Variants in CCDC169 observed in about 807,000 individuals in gnomAD.
CCDC169 encodes coiled-coil domain-containing protein 169.
CCDC169 carries 30 observed loss-of-function variants against 36.0 expected under a neutral mutation model. That is an observed-to-expected ratio of 0.83 (90% CI 0.62 to 1.13). The LOEUF is 1.13. CCDC169 is among the 50% of genes most tolerant of loss of function. The probability of loss-of-function intolerance (pLI) is 0.00; values close to 1 mark genes in which losing one functional copy is unlikely to be tolerated. For synonymous variants in CCDC169, 85 were observed against 81.5 expected, an observed-to-expected ratio of 1.04 and a Z score of -0.23; for missense variants, 245 against 245.9, an observed-to-expected ratio of 1.00 and a Z score of 0.03.
intron 7 of CCDC169, 151 bp downstream of exon 7, chr13:36,248,455 A>C (rs1872752261): frequency 1.6e-6 from 1 of 631,100 alleles, no homozygotes; most frequent in Admixed American, 3.2e-5. Flanking sequence ...ACAGATCACA[A>C]CTTCTTTAAG....
At chr13:36,264,774 T>C (rs561641656) in intron 4 of CCDC169, among the ~76,000 whole-genome samples, 2 of 152,326 alleles carry the variant, frequency 1.3e-5, no homozygotes, top group African/African-American at 2.4e-5. Flanking sequence ...AAACTAGCTA[T>C]GAAGCACCTC....
At chr13:36,237,322 G>A (rs1308612028) in intron 7 of CCDC169, among the ~76,000 whole-genome samples, 1 of 151,998 alleles carries the variant, frequency 6.6e-6, no homozygotes, top group African/African-American at 2.4e-5. Flanking sequence ...GGAGAAATTG[G>A]AACCCTGATA....
At chr13:36,276,774 T>G (rs1227022068) in intron 4 of CCDC169, among the ~76,000 whole-genome samples, 1 of 151,754 alleles carries the variant, frequency 6.6e-6, no homozygotes. Flanking sequence ...TGGGGCTTGT[T>G]GATAAGAGCC....
chr13:36,280,568 T>A (rs1348256634), intron 4 of CCDC169: 1 of 152,200 alleles, frequency 6.6e-6, no homozygotes, highest in Non-Finnish European at 1.5e-5. Flanking sequence ...GTCCATGCGG[T>A]AAGGTTATAA....
rs1407476927 is a variant in CCDC169, at chr13:36,230,882, A to G, written c.*311T>C. On this transcript the variant is annotated 3_prime_UTR_variant, in exon 8 of 8. Transcript: ENST00000239859. ...TTGCTAACAGTCAACTAGAAACCAA[A>G]TAGAATAGCAACGTTACTATCAGAG... 1.4e-5 allele frequency: 14 copies of G among 1,022,092 alleles called. No individual in the cohort carries two copies. Among genetic ancestry groups the G allele is most frequent in the Non-Finnish European group, 1.5e-5 (13 of 854,950 alleles). 63.3% of individuals were successfully genotyped at this position (1,022,092 alleles called of 1,614,324 possible). A position where few individuals can be genotyped will look rare whatever the true frequency, so the allele number is the denominator to read the frequency against.
intron 4 of CCDC169, among the ~76,000 whole-genome samples, chr13:36,260,868 C>T (rs1769025013): frequency 6.6e-6 from 1 of 152,122 alleles, no homozygotes; most frequent in South Asian, 2.1e-4. Flanking sequence ...TCTGTTTTAG[C>T]TTTTCAGAGA....
chr13:36,286,411 G>A (rs1475948144), intron 2 of CCDC169, among the ~76,000 whole-genome samples: 1 of 152,120 alleles, frequency 6.6e-6, no homozygotes, highest in East Asian at 1.9e-4. Context: ...AACTATATGA[G>A]CATTTTATGC....
chr13:36,228,293 T>A (rs1870065590), downstream of CCDC169, among the ~76,000 whole-genome samples: 1 of 152,140 alleles, frequency 6.6e-6, no homozygotes, highest in African/African-American at 2.4e-5. Context: ...CATATGAGGG[T>A]TCCAGGTTTT....
intron 4 of CCDC169, among the ~76,000 whole-genome samples, chr13:36,271,102 G>A (rs1279935829): frequency 6.6e-6 from 1 of 152,056 alleles, no homozygotes; most frequent in African/African-American, 2.4e-5. Context: ...AGTGGGCAAA[G>A]GACATGAATA....
chr13:36,243,250 A>G (rs1872079638), intron 7 of CCDC169, among the ~76,000 whole-genome samples: 1 of 152,206 alleles, frequency 6.6e-6, no homozygotes, highest in Non-Finnish European at 1.5e-5. Flanking sequence ...CTGTAATCTC[A>G]GCACTTTGGG....
At chr13:36,270,791 AC>A (rs947848545) in intron 4 of CCDC169, among the ~76,000 whole-genome samples, 1 of 85,088 alleles carries the variant, frequency 1.2e-5, no homozygotes, top group African/African-American at 3.7e-5. Context: ...TCAAAGACTT[AC>A]ATATAAGATC....
chr13:36,247,912 T>G (rs2138447504), intron 7 of CCDC169, among the ~76,000 whole-genome samples: 1 of 152,280 alleles, frequency 6.6e-6, no homozygotes, highest in African/African-American at 2.4e-5. Context: ...AGAGACATCT[T>G]TCATAAAAGA....
chr13:36,279,354 C>T (rs940247762), intron 4 of CCDC169, among the ~76,000 whole-genome samples: 9 of 152,182 alleles, frequency 5.9e-5, no homozygotes, highest in Non-Finnish European at 5.9e-5. Context: ...CTTCATCGCT[C>T]ATCATCCCTC....
chr13:36,290,264 A>T (rs369635532), intron 2 of CCDC169, among the ~76,000 whole-genome samples: 1 of 152,226 alleles, frequency 6.6e-6, no homozygotes, highest in East Asian at 1.9e-4. Flanking sequence ...GATTCTCTTA[A>T]TAATTTTGCC....
intron 4 of CCDC169, among the ~76,000 whole-genome samples, chr13:36,262,668 T>C (rs1244105723): frequency 6.6e-6 from 1 of 152,146 alleles, no homozygotes; most frequent in African/African-American, 2.4e-5. Flanking sequence ...TAGCCCAGCA[T>C]AGCATCTTTA....
intron 4 of CCDC169, among the ~76,000 whole-genome samples, chr13:36,277,990 T>C (rs1188371562): frequency 4.0e-5 from 6 of 151,452 alleles, no homozygotes; most frequent in South Asian, 2.1e-4. Context: ...AATTCTATTA[T>C]AGTTTTGAGA....
downstream of CCDC169, chr13:36,225,022 C>G (rs1401134642): frequency 6.6e-6 from 1 of 151,938 alleles, no homozygotes; most frequent in Non-Finnish European, 1.5e-5. Context: ...CAACAGTCAA[C>G]AAAAATAGGC....
At chr13:36,258,985 G>A (rs1199792345) in intron 4 of CCDC169, among the ~76,000 whole-genome samples, 1 of 152,162 alleles carries the variant, frequency 6.6e-6, no homozygotes, top group East Asian at 1.9e-4. Context: ...AGAGCCTGAA[G>A]CTGCCGGGAT....
chr13:36,250,676 AG>A (rs1012466237), intron 6 of CCDC169, among the ~76,000 whole-genome samples: 1 of 152,196 alleles, frequency 6.6e-6, no homozygotes, highest in Non-Finnish European at 1.5e-5. Context: ...TTAATATTTT[AG>A]CTTAGAAAAC....
Sources: allele counts gnomAD v4.1 joint callset (sites outside exome capture counted in the v4.1 genomes callset), GRCh38; gene constraint gnomAD v4.1.1; transcripts MANE v1.5; gene names NCBI Gene and HGNC (gene_info 2026-07-23, HGNC 2026-07-21).